GAS2: variants seen among roughly 807,000 people sequenced by gnomAD.
GAS2 encodes growth arrest-specific protein 2.
GAS2 carries 20 observed loss-of-function variants against 37.5 expected under a neutral mutation model. That is an observed-to-expected ratio of 0.53 (90% confidence interval 0.37 to 0.77). GAS2 has a LOEUF of 0.77. Among genes scored for constraint, GAS2 ranks in the 30% least tolerant of loss-of-function variants. The probability of loss-of-function intolerance (pLI) is 0.00; values close to 1 mark genes in which losing one functional copy is unlikely to be tolerated. For synonymous variants in GAS2, 144 were observed against 132.2 expected (o/e 1.09, Z -0.61); for missense variants, 336 against 373.4 (o/e 0.90, Z 0.82).
At chr11:22,761,240 G>A (rs1206897215) in intron 7 of GAS2, among the ~76,000 whole-genome samples, 1 of 151,930 alleles carries the variant, frequency 6.6e-6, no homozygotes, top group African/African-American at 2.4e-5. Flanking sequence ...TAACCATTTG[G>A]TGTTCCATTC....
intron 7 of GAS2, among the ~76,000 whole-genome samples, chr11:22,789,909 G>A (rs1267450339): frequency 2.6e-5 from 4 of 152,210 alleles, no homozygotes; most frequent in African/African-American, 9.6e-5. Flanking sequence ...TAACACATTA[G>A]CTATGAGAAA....
rs73471775 is a variant in GAS2 at position 22,636,335 on chromosome 11, C to T, written c.-21+10522C>T. Among the ~76,000 whole-genome samples the T allele has an allele frequency of 5.3e-5, 8 of 152,240 alleles. No individual in the cohort carries two copies. In the South Asian group the frequency reaches 8.3e-4, roughly 16 times the overall value. On this transcript the variant is annotated intron_variant, in intron 1 of 5. Coordinates refer to the GAS2 transcript ENST00000528582. ...CAAACAACTAAGGATCAGGAAAAGA[C>T]GCTTTCACAAACAACCTACCTCACG...
At chr11:22,710,390 A>G (rs1407187507) in intron 3 of GAS2, among the ~76,000 whole-genome samples, 1 of 152,068 alleles carries the variant, frequency 6.6e-6, no homozygotes, top group Admixed American at 6.6e-5. Flanking sequence ...TGAATTCACA[A>G]TTTGCTGCCA....
chr11:22,631,381 G>T (rs754880209), intron 1 of GAS2, among the ~76,000 whole-genome samples: 1 of 152,100 alleles, frequency 6.6e-6, no homozygotes, highest in Non-Finnish European at 1.5e-5. Flanking sequence ...GTGTTGAATA[G>T]AAGTGATGAA....
At chr11:22,676,277 A>G (rs539962566) in intron 2 of GAS2, among the ~76,000 whole-genome samples, 1 of 152,256 alleles carries the variant, frequency 6.6e-6, no homozygotes, top group Admixed American at 6.5e-5. Flanking sequence ...ATCTCCATCA[A>G]GGAAAGGGAG....
At chr11:22,699,066 T>C (rs549754936) in intron 3 of GAS2, among the ~76,000 whole-genome samples, 1 of 152,310 alleles carries the variant, frequency 6.6e-6, no homozygotes, top group African/African-American at 2.4e-5. Flanking sequence ...TTCTAGCCCC[T>C]GTGTAAATAG....
intron 7 of GAS2, among the ~76,000 whole-genome samples, chr11:22,756,972 T>G (rs780550914): frequency 6.6e-6 from 1 of 152,130 alleles, no homozygotes; most frequent in Non-Finnish European, 1.5e-5. Context: ...CATTAAATAA[T>G]AGTGATCTAG....
chr11:22,759,938 C>A (rs1327511451), intron 7 of GAS2, among the ~76,000 whole-genome samples: 2 of 152,064 alleles, frequency 1.3e-5, no homozygotes, highest in Non-Finnish European at 2.9e-5. Context: ...GTCTTAGATG[C>A]AATAATAATG....
At chr11:22,784,504 A>G (rs907544369) in intron 7 of GAS2, among the ~76,000 whole-genome samples, 2 of 152,162 alleles carry the variant, frequency 1.3e-5, no homozygotes, top group African/African-American at 4.8e-5. Flanking sequence ...AAATTTCATT[A>G]TCTGTAGAAT....
intron 7 of GAS2, among the ~76,000 whole-genome samples, chr11:22,788,695 T>C (rs1855940931): frequency 6.6e-6 from 1 of 152,226 alleles, no homozygotes; most frequent in African/African-American, 2.4e-5. Flanking sequence ...ATTTAATTAC[T>C]TATTCCCTCA....
At chr11:22,634,672 G>GT (rs1858796789) in intron 1 of GAS2, among the ~76,000 whole-genome samples, 1 of 152,120 alleles carries the variant, frequency 6.6e-6, no homozygotes, top group East Asian at 1.9e-4. Context: ...TAGCCACCCA[G>GT]TGGGGCTGCC....
At chr11:22,704,588 CATATATATATATATATATATATAT>C (rs3049395) in intron 3 of GAS2, among the ~76,000 whole-genome samples, 3 of 90,510 alleles carry the variant, frequency 3.3e-5, no homozygotes, top group African/African-American at 8.8e-5. Flanking sequence ...TGAAAATAAA[CATATATATATATATATATATATAT>C]ATATATATAT....
chr11:22,793,803 A>T (rs1856295477), intron 7 of GAS2, among the ~76,000 whole-genome samples: 1 of 152,224 alleles, frequency 6.6e-6, no homozygotes, highest in East Asian at 1.9e-4. Flanking sequence ...GTGTAATATG[A>T]AAATAGTTTA....
intron 7 of GAS2, among the ~76,000 whole-genome samples, chr11:22,792,907 G>T (rs941015168): frequency 6.6e-6 from 1 of 152,148 alleles, no homozygotes; most frequent in African/African-American, 2.4e-5. Context: ...GGAAGACTTT[G>T]GAATTCAGAA....
At chr11:22,711,745 C>G (rs1171916163) in intron 3 of GAS2, among the ~76,000 whole-genome samples, 1 of 152,150 alleles carries the variant, frequency 6.6e-6, no homozygotes, top group Non-Finnish European at 1.5e-5. Flanking sequence ...CCCCCACTTC[C>G]CTGGTGACCT....
chr11:22,685,762 G>A lies in GAS2; in HGVS notation c.240G>A (p.Glu80=), dbSNP rs146975877. 1 of 1,613,596 alleles carries A rather than the reference G, an allele frequency of 6.2e-7. No homozygotes were observed. Among genetic ancestry groups the A allele is most frequent in the East Asian group, 2.2e-5 (1 of 44,830 alleles). The change falls in exon 3 of 8, where the codon GAG becomes GAA. Residue 80 remains glutamate (E), a synonymous_variant. Transcript: ENST00000454584. ...AAACTATGCAGGAGAAATTCAAGGA[G>A]AGCATGGATGCTAACAAGCCCACAA... is the stretch of plus-strand genomic sequence containing the variant. The part of the protein sequence containing the change: ...LAETMQEKFK[E]SMDANKPTKN...
At chr11:22,652,714 C>G (rs1013142657) in intron 1 of GAS2, among the ~76,000 whole-genome samples, 2 of 152,196 alleles carry the variant, frequency 1.3e-5, no homozygotes, top group African/African-American at 4.8e-5. Flanking sequence ...CTTTCTTTGA[C>G]TAGGAAAGGG....
upstream of GAS2, among the ~76,000 whole-genome samples, chr11:22,664,329 G>GA (rs79003290): frequency 0.96 from 145,637 of 152,084 alleles, 70,088 homozygotes; most frequent in East Asian, 1. Context: ...ACATAGGAGG[G>GA]AAAAATAACG....
At chr11:22,787,076 A>G (rs1223935882) in intron 7 of GAS2, among the ~76,000 whole-genome samples, 1 of 152,178 alleles carries the variant, frequency 6.6e-6, no homozygotes, top group Non-Finnish European at 1.5e-5. Flanking sequence ...GAAAATACAC[A>G]ATTGTTCTTA....
Sources: gnomAD v4.1 joint callset for allele counts (sites outside exome capture counted in the v4.1 genomes callset) on GRCh38, gnomAD v4.1.1 for gene constraint, MANE v1.5 for transcripts, NCBI Gene and HGNC (gene_info 2026-07-23, HGNC 2026-07-21) for gene names.